CACNA1A: variants seen among roughly 807,000 people sequenced by gnomAD.
CACNA1A encodes calcium voltage-gated channel subunit alpha1 A.
Under a neutral mutation model 262.4 loss-of-function variants are expected in CACNA1A, and 57 were observed. The observed-to-expected ratio is 0.22, with a 90% confidence interval of 0.18 to 0.27. The LOEUF (loss-of-function observed/expected upper bound fraction) is 0.27. Among genes scored for constraint, CACNA1A ranks in the 10% least tolerant of loss-of-function variants. The pLI is 1.00. For synonymous variants in CACNA1A, 1,431 were observed against 1,419.3 expected, an observed-to-expected ratio of 1.01 and a Z score of -0.18; for missense variants, 2,526 against 3,562.8, an observed-to-expected ratio of 0.71 and a Z score of 7.41.
At chr19:13,345,593 G>A (rs186231138) in intron 6 of CACNA1A, among the ~76,000 whole-genome samples, 38 of 151,936 alleles carry the variant, frequency 2.5e-4, no homozygotes, top group South Asian at 4.2e-4. Context: ...ATGGTTCATT[G>A]AGAAAAAGTA....
At chr19:13,267,662 A>G (rs545500964) in intron 24 of CACNA1A, among the ~76,000 whole-genome samples, 33 of 152,174 alleles carry the variant, frequency 2.2e-4, no homozygotes, top group African/African-American at 7.5e-4. Flanking sequence ...ACAGGCCCAG[A>G]CTGGGTGCCG....
intron 21 of CACNA1A, 25 bp downstream of exon 21, chr19:13,285,043 T>C: frequency 1.2e-6 from 2 of 1,613,356 alleles, no homozygotes; most frequent in East Asian, 2.2e-5. Flanking sequence ...AGGCCCCCCC[T>C]GCCCTTGCTG....
Position 13,207,869 on chromosome 19 carries a change from TGCTGC to T in CACNA1A, c.6960_6964del (p.Gln2321AlafsTer180). 1 of 1,159,022 alleles carries T rather than the reference TGCTGC, an allele frequency of 8.6e-7. No individual in the cohort carries two copies. The highest frequency in any genetic ancestry group is 1.1e-6 in the Non-Finnish European group (1 of 879,052). 71.8% of individuals were successfully genotyped at this position (1,159,022 alleles called of 1,614,324 possible). On this transcript the variant is annotated frameshift_variant, in exon 47 of 47. Coordinates refer to ENST00000360228, the MANE Select transcript of CACNA1A (RefSeq NM_001127222.2). LOFTEE classifies it low-confidence loss of function (END_TRUNC). This position sits in a 1 kb window ranked among gnomAD's most constrained non-coding sequence, Gnocchi z 5.7. The stretch of plus-strand genomic sequence containing the variant: ...CGGCCTGGCCACCGCCTGCTGCTGC[TGCTGC>T]TGCTGCTGCTGCTGCTGCTGCTGCG...
chr19:13,433,460 C>CAAAAAAAAAAA (rs533297364), intron 3 of CACNA1A, among the ~76,000 whole-genome samples: 23 of 76,218 alleles, frequency 3.0e-4, no homozygotes, highest in South Asian at 7.1e-4. Context: ...GACGCTGTCT[C>CAAAAAAAAAAA]AAAAAAAAAA....
At chr19:13,407,834 A>G (rs762802841) in intron 3 of CACNA1A, among the ~76,000 whole-genome samples, 4 of 152,098 alleles carry the variant, frequency 2.6e-5, no homozygotes, top group Non-Finnish European at 4.4e-5. Flanking sequence ...CCCCACCCAG[A>G]TCTCATGTTG....
chr19:13,209,589 G>T, intron 44 of CACNA1A, 91 bp from the exon 45 acceptor site: 1 of 1,011,362 alleles, frequency 9.9e-7, no homozygotes. Context: ...GCCTGGTGGT[G>T]GCCTTCGGTG....
chr19:13,481,863 C>G (rs1329210672), intron 1 of CACNA1A, among the ~76,000 whole-genome samples: 4 of 152,014 alleles, frequency 2.6e-5, no homozygotes, highest in African/African-American at 9.7e-5. Flanking sequence ...GCTTTCTGTT[C>G]TGACTCCATC....
intron 3 of CACNA1A, among the ~76,000 whole-genome samples, chr19:13,381,989 C>A (rs1287211514): frequency 1.3e-5 from 2 of 152,066 alleles, no homozygotes; most frequent in South Asian, 2.1e-4. Context: ...CTCTAGGGGG[C>A]AAGGCCGGAA....
At chr19:13,320,623 G>T (rs1422534207) in intron 10 of CACNA1A, among the ~76,000 whole-genome samples, 1 of 152,248 alleles carries the variant, frequency 6.6e-6, no homozygotes, top group African/African-American at 2.4e-5. Context: ...AAGGGAGAGG[G>T]AAATGAATAT....
intron 1 of CACNA1A, among the ~76,000 whole-genome samples, chr19:13,464,233 A>G (rs2061177812): frequency 6.6e-6 from 1 of 152,106 alleles, no homozygotes. Context: ...ACAAAAATAC[A>G]TTTAAAAATA....
At chr19:13,458,893 G>A (rs1035640618) in intron 1 of CACNA1A, among the ~76,000 whole-genome samples, 1 of 152,200 alleles carries the variant, frequency 6.6e-6, no homozygotes, top group Non-Finnish European at 1.5e-5. Flanking sequence ...GGCTGCTTGA[G>A]TGAAAAAGCC....
chr19:13,489,003 CTTTTTTTTTTTTTT>C (rs896790084), intron 1 of CACNA1A, among the ~76,000 whole-genome samples: 2 of 75,226 alleles, frequency 2.7e-5, no homozygotes, highest in East Asian at 4.7e-4. Context: ...CTTTTCTTTT[CTTTTTTTTTTTTTT>C]TTTTTTTTTT....
intron 3 of CACNA1A, among the ~76,000 whole-genome samples, chr19:13,408,433 G>C (rs1349938228): frequency 6.6e-6 from 1 of 152,194 alleles, no homozygotes; most frequent in Non-Finnish European, 1.5e-5. Flanking sequence ...GGAATACTTT[G>C]AGCAGGGTAT....
chr19:13,402,913 T>C (rs1292083690), intron 3 of CACNA1A, among the ~76,000 whole-genome samples: 12 of 126,306 alleles, frequency 9.5e-5, no homozygotes, highest in East Asian at 2.3e-4. Context: ...TATATATATA[T>C]ATACTTGCAA....
intron 15 of CACNA1A, among the ~76,000 whole-genome samples, chr19:13,304,263 T>C (rs564005152): frequency 6.6e-6 from 1 of 152,134 alleles, no homozygotes; most frequent in Admixed American, 6.5e-5. Context: ...TATTTGGAGA[T>C]GGGGCCTTTA....
At chr19:13,380,866 T>C (rs1285759109) in intron 3 of CACNA1A, among the ~76,000 whole-genome samples, 1 of 151,672 alleles carries the variant, frequency 6.6e-6, no homozygotes, top group Non-Finnish European at 1.5e-5. Flanking sequence ...CTCCGCCTCC[T>C]GGGCTCAGGT....
intron 17 of CACNA1A, among the ~76,000 whole-genome samples, chr19:13,302,918 T>G (rs1445734928): frequency 1.3e-5 from 2 of 152,200 alleles, no homozygotes; most frequent in African/African-American, 2.4e-5. Context: ...GCTGCAATGC[T>G]GAGGGAGACC....
chr19:13,407,974 C>A (rs554781998), intron 3 of CACNA1A, among the ~76,000 whole-genome samples: 1 of 152,100 alleles, frequency 6.6e-6, no homozygotes. Context: ...GCACTCCCCC[C>A]CTCACTCTCT....
rs1400258053 is a variant in CACNA1A at position 13,283,407 on chromosome 19, C to A, written c.3693-11G>T. 1 of 1,613,842 alleles carries A rather than the reference C, an allele frequency of 6.2e-7. No individual in the cohort carries two copies. Among genetic ancestry groups the A allele is most frequent in the Admixed American group, 1.7e-5 (1 of 60,006 alleles). On this transcript the variant is annotated splice_polypyrimidine_tract_variant and intron_variant, in intron 21 of 46. Transcript: ENST00000360228. ...CACAGGCGGCGAAGGCTGTTGGAGACAGATGGGCGTGCAGAGGTCCACTCA... is the reference window on the plus strand; with the variant it reads ...CACAGGCGGCGAAGGCTGTTGGAGAAAGATGGGCGTGCAGAGGTCCACTCA...
Sources: gnomAD v4.1 joint callset for allele counts (sites outside exome capture counted in the v4.1 genomes callset) on GRCh38, gnomAD v4.1.1 for gene constraint, Gnocchi (gnomAD v3.1) non-coding constraint, MANE v1.5 for transcripts, NCBI Gene and HGNC (gene_info 2026-07-23, HGNC 2026-07-21) for gene names.